BMAL2: variants seen among roughly 807,000 people sequenced by gnomAD.
BMAL2 encodes the protein basic helix-loop-helix ARNT-like protein 2.
At chr12:27,389,066 T>TTTGAGC in the BMAL2 span, 1 of 792,936 alleles carries the variant, frequency 1.3e-6, no homozygotes, top group South Asian at 1.5e-5. Context: ...TGGACATATC[T>TTTGAGC]TTGAGCTTGA....
the BMAL2 span, among the ~76,000 whole-genome samples, chr12:27,406,621 T>A: frequency 7.9e-5 from 12 of 152,162 alleles, no homozygotes; most frequent in South Asian, 1.7e-3. Context: ...GAACAACCAG[T>A]ACCAGCCACT....
chr12:27,411,503 A>T, the BMAL2 span, among the ~76,000 whole-genome samples: 4 of 151,986 alleles, frequency 2.6e-5, no homozygotes, highest in Non-Finnish European at 5.9e-5. Flanking sequence ...CGGTAGTCCC[A>T]GCTACTTGGG....
At chr12:27,389,420 C>A in the BMAL2 span, 1 of 625,084 alleles carries the variant, frequency 1.6e-6, no homozygotes, top group Non-Finnish European at 2.7e-6. Flanking sequence ...GTTTTGTAAA[C>A]TTTACATCAT....
At chr12:27,368,190 T>G in the BMAL2 span, 1 of 1,540,280 alleles carries the variant, frequency 6.5e-7, no homozygotes, top group South Asian at 1.2e-5. Context: ...ATTTAAAATG[T>G]GTGATATGGA....
the BMAL2 span, among the ~76,000 whole-genome samples, chr12:27,346,586 A>G: frequency 2.0e-5 from 3 of 151,912 alleles, no homozygotes; most frequent in Admixed American, 1.3e-4. Context: ...TTAAAGTGTT[A>G]CTCCCACCCT....
chr12:27,347,833 G>T, the BMAL2 span, among the ~76,000 whole-genome samples: 1 of 152,118 alleles, frequency 6.6e-6, no homozygotes. Flanking sequence ...CGATTTTAAG[G>T]CAACCTTTAG....
chr12:27,401,435 C>T, the BMAL2 span: 1 of 1,541,248 alleles, frequency 6.5e-7, no homozygotes, highest in South Asian at 1.2e-5. Context: ...TTTCCCATTC[C>T]TGTGAAATTT....
chr12:27,394,255 A>T, the BMAL2 span, among the ~76,000 whole-genome samples: 1 of 151,984 alleles, frequency 6.6e-6, no homozygotes, highest in African/African-American at 2.4e-5. Flanking sequence ...CTGTCTGCAG[A>T]CCCTGGACAT....
At chr12:27,349,156 C>T in the BMAL2 span, among the ~76,000 whole-genome samples, 1 of 152,106 alleles carries the variant, frequency 6.6e-6, no homozygotes, top group African/African-American at 2.4e-5. Flanking sequence ...GCCTGGGTTA[C>T]TAGTGAGAGT....
chr12:27,402,385 T>C, the BMAL2 span, among the ~76,000 whole-genome samples: 1 of 152,188 alleles, frequency 6.6e-6, no homozygotes, highest in Non-Finnish European at 1.5e-5. Flanking sequence ...GTACAGGAAC[T>C]GAGAGTTTGT....
At chr12:27,345,053 C>T in the BMAL2 span, among the ~76,000 whole-genome samples, 4 of 152,178 alleles carry the variant, frequency 2.6e-5, no homozygotes, top group African/African-American at 9.7e-5. Flanking sequence ...GTATTTCTGC[C>T]TCAAACTCTT....
At chr12:27,383,363 C>T in the BMAL2 span, among the ~76,000 whole-genome samples, 4 of 151,968 alleles carry the variant, frequency 2.6e-5, no homozygotes, top group Admixed American at 2.6e-4. Flanking sequence ...TTTTTTAACC[C>T]AATGAACATT....
At chr12:27,356,192 CT>C in the BMAL2 span, among the ~76,000 whole-genome samples, 1 of 152,272 alleles carries the variant, frequency 6.6e-6, no homozygotes, top group Non-Finnish European at 1.5e-5. Context: ...GGCCTCTTAT[CT>C]GTTTAGGCGA....
At chr12:27,336,989 A>C in the BMAL2 span, among the ~76,000 whole-genome samples, 1 of 151,944 alleles carries the variant, frequency 6.6e-6, no homozygotes, top group Admixed American at 6.6e-5. Context: ...AACTTCCTTA[A>C]AACTTCTTAA....
the BMAL2 span, chr12:27,401,269 T>C: frequency 1.2e-6 from 2 of 1,613,848 alleles, no homozygotes; most frequent in African/African-American, 2.7e-5. Flanking sequence ...CAACAGCGAT[T>C]TTAGGATATC....
the BMAL2 span, among the ~76,000 whole-genome samples, chr12:27,353,113 GAATAGCCAGAGCAATCCT>G: frequency 3.3e-5 from 5 of 151,996 alleles, no homozygotes; most frequent in Non-Finnish European, 7.4e-5. Context: ...AAAAGAACCC[GAATAGCCAGAGCAATCCT>G]AAGCAAAAAG....
chr12:27,339,323 G>T, the BMAL2 span, among the ~76,000 whole-genome samples: 1 of 152,146 alleles, frequency 6.6e-6, no homozygotes, highest in Non-Finnish European at 1.5e-5. Flanking sequence ...ATATTCCATG[G>T]TGTATATTTA....
At chr12:27,337,286 A>G in the BMAL2 span, among the ~76,000 whole-genome samples, 1 of 152,248 alleles carries the variant, frequency 6.6e-6, no homozygotes, top group Non-Finnish European at 1.5e-5. Flanking sequence ...AACTTCCAAG[A>G]CATTCAAAGT....
At chr12:27,400,633 A>C in the BMAL2 span, 3 of 1,614,004 alleles carry the variant, frequency 1.9e-6, no homozygotes, top group Non-Finnish European at 1.7e-6. Context: ...AAGAAAGACA[A>C]CAGTAATTTT....
Sources: gnomAD v4.1 joint callset for allele counts (sites outside exome capture counted in the v4.1 genomes callset) on GRCh38, gnomAD v4.1.1 for gene constraint, MANE v1.5 for transcripts, NCBI Gene and HGNC (gene_info 2026-07-23, HGNC 2026-07-21) for gene names.